VWA3B: variants seen among roughly 807,000 people sequenced by gnomAD.
VWA3B encodes the protein von Willebrand factor A domain-containing protein 3B.
VWA3B carries 138 observed loss-of-function variants against 158.3 expected under a neutral mutation model. The observed-to-expected ratio is 0.87, with a 90% CI of 0.76 to 1.00. VWA3B has a LOEUF of 1.00. Among genes scored for constraint, VWA3B ranks in the 50% least tolerant of loss-of-function variants. VWA3B has a pLI of 0.00. For missense variants in VWA3B, 1,555 were observed against 1,565.1 expected (o/e 0.99, Z 0.11); for synonymous variants, 596 against 587.3 (o/e 1.01, Z -0.21).
chr2:98,318,793 T>C, the VWA3B span, among the ~76,000 whole-genome samples: 1 of 152,184 alleles, frequency 6.6e-6, no homozygotes, highest in African/African-American at 2.4e-5. Flanking sequence ...AAAAAAGACA[T>C]AATATATATT....
intron 7 of VWA3B, among the ~76,000 whole-genome samples, chr2:98,149,964 T>G (rs933807082): frequency 1.3e-5 from 2 of 152,250 alleles, no homozygotes; most frequent in African/African-American, 4.8e-5. Flanking sequence ...TAAGTAGATA[T>G]TTGTATGAAT....
chr2:98,119,860 G>A (rs890108332), intron 4 of VWA3B, 97 bp downstream of exon 4: 8 of 1,441,722 alleles, frequency 5.5e-6, no homozygotes, highest in Non-Finnish European at 7.6e-6. Context: ...TAGCTCTCTG[G>A]TGAGGGAAGA....
rs144261443 is a variant in VWA3B, at chr2:98,172,445, C to T, written c.1115-8571C>T. ...TCCTCCGATATGCTCCTCTCGATGT[C>T]CAGCTGCTTCTGTCTCTGCACAGAA... On this transcript the variant is annotated intron_variant, in intron 8 of 27. Coordinates refer to ENST00000477737, the MANE Select transcript of VWA3B (RefSeq NM_144992.5). 3.3e-3 allele frequency among the ~76,000 whole-genome samples: 499 copies of T among 152,324 alleles called. 4 individuals are homozygous for T. Among genetic ancestry groups the T allele is most frequent in the African/African-American group, 0.011 (464 of 41,564 alleles).
intron 7 of VWA3B, among the ~76,000 whole-genome samples, chr2:98,140,126 T>A (rs1676653660): frequency 6.6e-6 from 1 of 151,738 alleles, no homozygotes; most frequent in East Asian, 1.9e-4. Context: ...TCCGAACACA[T>A]CCGAACATCA....
At chr2:98,266,643 G>A (rs1376373173) in intron 21 of VWA3B, among the ~76,000 whole-genome samples, 1 of 131,780 alleles carries the variant, frequency 7.6e-6, no homozygotes, top group Admixed American at 7.6e-5. Flanking sequence ...GGGCAGTATG[G>A]CCATTTTCAC....
chr2:98,266,876 T>G (rs2105871098), intron 21 of VWA3B, among the ~76,000 whole-genome samples: 1 of 149,714 alleles, frequency 6.7e-6, no homozygotes, highest in South Asian at 2.1e-4. Flanking sequence ...AGAATGCTTG[T>G]GGTTTTTGTA....
chr2:98,135,556 C>G (rs951904356), intron 7 of VWA3B, among the ~76,000 whole-genome samples: 4 of 151,508 alleles, frequency 2.6e-5, no homozygotes, highest in Non-Finnish European at 4.4e-5. Flanking sequence ...GGGATGGTCT[C>G]GATCTCCTGA....
Position 98,312,220 on chromosome 2 carries a change from C to A in VWA3B, c.3756C>A (p.Pro1252=). The A allele has an allele frequency of 6.2e-7, 1 of 1,614,198 alleles. No homozygotes were observed. Among genetic ancestry groups the A allele is most frequent in the Non-Finnish European group, 8.5e-7 (1 of 1,180,048 alleles). The change falls in exon 28 of 28, where the codon CCC becomes CCA. Residue 1252 remains proline, a synonymous_variant. Coordinates refer to ENST00000477737, the MANE Select transcript of VWA3B (RefSeq NM_144992.5). ...PEPRTAHLHF[P]AAGRLGLSSH... is the part of the protein sequence containing the mutation. ...CCCAGACAGCCCACCTCCACTTCCC[C>A]GCGGCCGGGCGTCTAGGACTCAGCA...
At chr2:98,203,903 A>G (rs1682793698) in intron 12 of VWA3B, among the ~76,000 whole-genome samples, 1 of 152,248 alleles carries the variant, frequency 6.6e-6, no homozygotes, top group African/African-American at 2.4e-5. Flanking sequence ...GGGAAAAATA[A>G]ATGGTAAAAA....
chr2:98,236,402 T>A lies in VWA3B; in HGVS notation c.2441T>A (p.Leu814Ter). ...TCCCCTTCCACAGAAATGAGCATCT[T>A]GCTGGCTGAGGAGTGGCTGGATGAC... ...TALSDKEMSILLAEEWLDDKS... is the reference protein window; with the variant it reads ...TALSDKEMSI Residue 814 changes from leucine (L) to a stop codon, truncating the protein, a stop_gained, in exon 18 of 28, where the codon TTG becomes TAG. Transcript: ENST00000477737. LOFTEE classifies it high-confidence loss of function. The A allele has an allele frequency of 1.9e-6, 3 of 1,614,186 alleles. No homozygotes were observed. The highest frequency in any genetic ancestry group is 2.5e-6 in the Non-Finnish European group (3 of 1,180,030).
chr2:98,226,636 C>T (rs1235236833), intron 14 of VWA3B, among the ~76,000 whole-genome samples: 1 of 152,182 alleles, frequency 6.6e-6, no homozygotes, highest in Non-Finnish European at 1.5e-5. Flanking sequence ...AAAAGATGAG[C>T]TGCAGACTTA....
At chr2:98,265,363 G>A (rs1438542096) in intron 21 of VWA3B, among the ~76,000 whole-genome samples, 2 of 151,556 alleles carry the variant, frequency 1.3e-5, no homozygotes, top group East Asian at 1.9e-4. Context: ...TCCCTACAAA[G>A]GACATGAACT....
At chr2:98,242,041 G>A (rs2105762713) in intron 19 of VWA3B, among the ~76,000 whole-genome samples, 1 of 152,232 alleles carries the variant, frequency 6.6e-6, no homozygotes, top group East Asian at 1.9e-4. Context: ...TGAAAAAGCA[G>A]ACAAAAAGTA....
chr2:98,162,590 T>G (rs759262922), intron 7 of VWA3B, among the ~76,000 whole-genome samples: 3 of 152,236 alleles, frequency 2.0e-5, no homozygotes, highest in Non-Finnish European at 4.4e-5. Context: ...AATAATTCAT[T>G]TTAAATATTC....
chr2:98,259,257 G>A (rs955358720), intron 21 of VWA3B, among the ~76,000 whole-genome samples: 1 of 151,672 alleles, frequency 6.6e-6, no homozygotes, highest in African/African-American at 2.4e-5. Context: ...TTGGTATCAG[G>A]GTAATTCTCT....
chr2:98,224,166 A>G (rs62156678), intron 14 of VWA3B, among the ~76,000 whole-genome samples: 7,198 of 152,274 alleles, frequency 0.047, 259 homozygotes, highest in Middle Eastern at 0.082. Flanking sequence ...AGGAAATTAT[A>G]AAAGAAATAA....
At chr2:98,176,094 C>T (rs1185692008) in intron 8 of VWA3B, among the ~76,000 whole-genome samples, 1 of 152,210 alleles carries the variant, frequency 6.6e-6, no homozygotes, top group Non-Finnish European at 1.5e-5. Flanking sequence ...GAACCCACAG[C>T]CCTTGCAGCT....
the VWA3B span, among the ~76,000 whole-genome samples, chr2:98,329,843 G>C: frequency 6.6e-6 from 1 of 152,110 alleles, no homozygotes; most frequent in African/African-American, 2.4e-5. Context: ...TTCCATCTGT[G>C]GGCAGCAGTT....
intron 26 of VWA3B, among the ~76,000 whole-genome samples, chr2:98,307,165 G>A (rs553207930): frequency 1.1e-4 from 16 of 152,306 alleles, no homozygotes; most frequent in Admixed American, 8.5e-4. Context: ...TAAAGAAATA[G>A]CACTTGAACA....
Sources: allele counts gnomAD v4.1 joint callset (sites outside exome capture counted in the v4.1 genomes callset), GRCh38; gene constraint gnomAD v4.1.1; transcripts MANE v1.5; gene names NCBI Gene and HGNC (gene_info 2026-07-23, HGNC 2026-07-21).